The following USH2A variants were observed in gnomAD, a reference collection of about 807,000 sequenced individuals.
USH2A encodes usherin, also known as Usher syndrome 2A (autosomal recessive, mild).
USH2A carries 443 observed loss-of-function variants against 538.9 expected under a neutral mutation model. The ratio of observed to expected loss-of-function variants is 0.82; its 90% CI spans 0.76 to 0.89. The LOEUF is 0.89. USH2A is among the 40% of genes least tolerant of loss of function. The pLI is 0.00. For synonymous variants in USH2A, 2,413 were observed against 2,273.5 expected, an observed-to-expected ratio of 1.06 and a Z score of -1.75; for missense variants, 6,633 against 6,324.8, an observed-to-expected ratio of 1.05 and a Z score of -1.65.
At chr1:216,323,396 T>A in intron 8 of USH2A, 78 bp downstream of exon 8, 1 of 1,421,012 alleles carries the variant, frequency 7.0e-7, no homozygotes, top group Non-Finnish European at 9.9e-7. Context: ...GAAATCTGGC[T>A]TGCTCTGACA....
intron 4 of USH2A, among the ~76,000 whole-genome samples, chr1:216,361,528 T>C (rs2038490347): frequency 6.6e-6 from 1 of 152,086 alleles, no homozygotes; most frequent in African/African-American, 2.4e-5. Flanking sequence ...ATATTCAAAA[T>C]ATGGAAGACC....
chr1:215,668,341 A>G (rs182486091), intron 64 of USH2A, among the ~76,000 whole-genome samples: 3 of 152,230 alleles, frequency 2.0e-5, no homozygotes, highest in African/African-American at 7.2e-5. Flanking sequence ...ATATTTACAC[A>G]GGCTAAATGA....
At chr1:216,152,364 C>T (rs113828863) in intron 21 of USH2A, among the ~76,000 whole-genome samples, 2,345 of 152,134 alleles carry the variant, frequency 0.015, 66 homozygotes, top group African/African-American at 0.053. Context: ...TGTAAATGGC[C>T]GGTCCTTGCC....
At chr1:216,001,700 G>A (rs559790232) in intron 32 of USH2A, among the ~76,000 whole-genome samples, 1 of 152,206 alleles carries the variant, frequency 6.6e-6, no homozygotes, top group African/African-American at 2.4e-5. Flanking sequence ...TCATATTGAA[G>A]AGATTAATGA....
At chr1:215,956,909 T>C (rs1431082011) in intron 37 of USH2A, among the ~76,000 whole-genome samples, 1 of 152,192 alleles carries the variant, frequency 6.6e-6, no homozygotes, top group Non-Finnish European at 1.5e-5. Flanking sequence ...CAATCAGAAG[T>C]GTCAATACAT....
intron 21 of USH2A, among the ~76,000 whole-genome samples, chr1:216,103,040 A>AATT (rs888603788): frequency 3.3e-5 from 5 of 152,224 alleles, no homozygotes; most frequent in African/African-American, 1.2e-4. Context: ...AATCTCACAA[A>AATT]CATGGATTGT....
intron 48 of USH2A, among the ~76,000 whole-genome samples, chr1:215,814,156 G>A (rs1477400197): frequency 1.4e-5 from 2 of 146,684 alleles, no homozygotes; most frequent in African/African-American, 2.5e-5. Context: ...AATATAATAT[G>A]TATTTAATTA....
At chr1:216,024,755 T>A (rs1331423824) in intron 32 of USH2A, among the ~76,000 whole-genome samples, 1 of 152,010 alleles carries the variant, frequency 6.6e-6, no homozygotes, top group Non-Finnish European at 1.5e-5. Context: ...TAGCGAGATG[T>A]GTACAAGATA....
chr1:216,114,891 TATAG>T (rs1173623315), intron 21 of USH2A, among the ~76,000 whole-genome samples: 2 of 152,174 alleles, frequency 1.3e-5, no homozygotes, highest in African/African-American at 4.8e-5. Context: ...AGTTAAAATG[TATAG>T]ATAGATACAG....
At chr1:216,417,984 G>C (rs1321046608) in intron 3 of USH2A, among the ~76,000 whole-genome samples, 1 of 152,006 alleles carries the variant, frequency 6.6e-6, no homozygotes, top group Non-Finnish European at 1.5e-5. Context: ...AGCTTCTAAG[G>C]CTCATACAAA....
intron 35 of USH2A, among the ~76,000 whole-genome samples, chr1:215,975,526 T>C (rs1032670613): frequency 6.6e-6 from 1 of 152,056 alleles, no homozygotes; most frequent in Non-Finnish European, 1.5e-5. Flanking sequence ...TCTGGTTTGC[T>C]GCATAAGGCT....
At chr1:216,041,527 G>A (rs562533326) in intron 32 of USH2A, among the ~76,000 whole-genome samples, 110 of 152,164 alleles carry the variant, frequency 7.2e-4, no homozygotes, top group Non-Finnish European at 1.2e-3. Flanking sequence ...AACCTAAAGG[G>A]AAACTACAAG....
At chr1:216,227,253 T>C (rs1226665283) in intron 14 of USH2A, among the ~76,000 whole-genome samples, 2 of 152,158 alleles carry the variant, frequency 1.3e-5, no homozygotes, top group African/African-American at 4.8e-5. Flanking sequence ...GTACCACACA[T>C]GGTGAATAAA....
At position 215,675,273 on chromosome 1, in the gene USH2A, A is replaced by C. The variant is rs1657982006; in HGVS notation, c.12638T>G (p.Phe4213Cys). Residue 4213 changes from phenylalanine (F) to cysteine (C), a missense_variant, in exon 63 of 72, where the codon TTC (phenylalanine) becomes TGC (cysteine). Physicochemically the swap from Phe to Cys is radical, Grantham distance 205. Coordinates refer to ENST00000307340, the MANE Select transcript of USH2A (RefSeq NM_206933.4). ...ATTCCTTTCAGTGTTATATTCTGTG[A>C]AAACAATTTTCTCGTCGGCCTGGAT... ...QTIQADEKIV[F>C]TEYNTERNTF... 6.2e-7 allele frequency: 1 copy of C among 1,613,996 alleles called. No homozygotes were observed. The highest frequency in any genetic ancestry group is 1.3e-5 in the African/African-American group (1 of 74,930).
At chr1:215,636,624 C>G (rs1194887077) in intron 69 of USH2A, among the ~76,000 whole-genome samples, 4 of 152,158 alleles carry the variant, frequency 2.6e-5, no homozygotes, top group African/African-American at 9.6e-5. Flanking sequence ...CCAGTGGGCC[C>G]CTTGCTCCAC....
intron 38 of USH2A, among the ~76,000 whole-genome samples, chr1:215,923,411 A>G (rs76153358): frequency 0.012 from 1,885 of 152,174 alleles, 37 homozygotes; most frequent in East Asian, 0.063. Flanking sequence ...AGACTCTTTG[A>G]GGGGCAACAT....
At chr1:216,240,650 T>G (rs1354140378) in intron 13 of USH2A, among the ~76,000 whole-genome samples, 3 of 152,196 alleles carry the variant, frequency 2.0e-5, no homozygotes, top group Non-Finnish European at 4.4e-5. Context: ...TCGTTCTTTA[T>G]GTTTAGACAC....
chr1:216,190,271 C>T lies in USH2A; in HGVS notation c.4348G>A (p.Val1450Ile), dbSNP rs768615723. Reference sequence around the variant, plus strand: ...CCCGAAGCACTGGTCACACAACCAACTGAATTGCAGAGAGTAATAGTAAAC... The same window carrying T: ...CCCGAAGCACTGGTCACACAACCAATTGAATTGCAGAGAGTAATAGTAAAC... ...YEFTITLCNS[V>I]GCVTSASGAG... is the part of the protein sequence containing the mutation. Residue 1450 changes from valine (V) to isoleucine (I), a missense_variant, in exon 20 of 72, where the codon GTT becomes ATT. Coordinates refer to ENST00000307340, the MANE Select transcript of USH2A (RefSeq NM_206933.4). 7 of 1,612,548 alleles carry T rather than the reference C, an allele frequency of 4.3e-6. No homozygotes were observed. The highest frequency in any genetic ancestry group is 1.7e-4 in the Middle Eastern group (1 of 6,048).
intron 63 of USH2A, among the ~76,000 whole-genome samples, chr1:215,672,953 A>G (rs1403980833): frequency 3.9e-5 from 6 of 152,192 alleles, no homozygotes; most frequent in Admixed American, 2.6e-4. Context: ...TACTTTTTGA[A>G]TAAGAGTTTC....
Sources: gnomAD v4.1 joint callset for allele counts (sites outside exome capture counted in the v4.1 genomes callset) on GRCh38, gnomAD v4.1.1 for gene constraint, MANE v1.5 for transcripts, NCBI Gene and HGNC (gene_info 2026-07-23, HGNC 2026-07-21) for gene names.